The following ZCCHC2 variants were observed in gnomAD, a reference collection of about 807,000 sequenced individuals.
ZCCHC2 encodes the protein zinc finger CCHC domain-containing protein 2.
A neutral mutation model predicts 103.6 loss-of-function variants in ZCCHC2; 39 were observed. That is an observed-to-expected ratio of 0.38 (90% CI 0.29 to 0.49). ZCCHC2 has a LOEUF of 0.49. ZCCHC2 is among the 20% of genes least tolerant of loss of function. The pLI is 0.96. For missense variants in ZCCHC2, 1,483 were observed against 1,491.0 expected, an observed-to-expected ratio of 0.99 and a Z score of 0.09; for synonymous variants, 687 against 608.9, an observed-to-expected ratio of 1.13 and a Z score of -1.89.
At chr18:62,524,580 C>A in intron 1 of ZCCHC2, 1 of 629,834 alleles carries the variant, frequency 1.6e-6, no homozygotes, top group Non-Finnish European at 2.5e-6. Context: ...CAGACACAGC[C>A]ACCCGCCATC....
At chr18:62,526,966 C>T (rs886358591) in intron 1 of ZCCHC2, 12 of 140,792 alleles carry the variant, frequency 8.5e-5, no homozygotes, top group African/African-American at 3.1e-4. Context: ...CGTACTGGGC[C>T]GTGGCGATAA....
In ZCCHC2 at chr18:62,543,030, C is replaced by A. The variant is rs1465471972; in HGVS notation, c.1128+456C>A. 2.0e-5 allele frequency among the ~76,000 whole-genome samples: 3 copies of A among 152,192 alleles called. No individual in the cohort carries two copies. In the South Asian group the frequency reaches 6.2e-4, roughly 32 times the overall value. On this transcript the variant is annotated intron_variant, in intron 3 of 13. Transcript: ENST00000269499. ...CTGGGATTAGCTGTAGAGCCCAGCTCTGATTCTGTGCTCCCAGGTGAAGAC... is the reference window on the plus strand; with the variant it reads ...CTGGGATTAGCTGTAGAGCCCAGCTATGATTCTGTGCTCCCAGGTGAAGAC...
chr18:62,548,706 T>C (rs150800050), intron 4 of ZCCHC2, among the ~76,000 whole-genome samples: 7 of 150,388 alleles, frequency 4.7e-5, no homozygotes, highest in African/African-American at 1.7e-4. Flanking sequence ...GTGGATCATC[T>C]GAGGTCAGGA....
At chr18:62,532,595 G>C (rs1039794160) in intron 1 of ZCCHC2, among the ~76,000 whole-genome samples, 1 of 152,108 alleles carries the variant, frequency 6.6e-6, no homozygotes, top group African/African-American at 2.4e-5. Flanking sequence ...TCTAGGCTGG[G>C]TTCATGCCAT....
intron 1 of ZCCHC2, among the ~76,000 whole-genome samples, chr18:62,529,326 C>T (rs1377141251): frequency 6.6e-6 from 1 of 152,118 alleles, no homozygotes; most frequent in Non-Finnish European, 1.5e-5. Context: ...AGGCTTCCCT[C>T]CCGCCACTCT....
At chr18:62,544,738 CT>C in intron 3 of ZCCHC2, 63 bp from the exon 4 acceptor site, 5 of 1,409,682 alleles carry the variant, frequency 3.5e-6, no homozygotes, top group Non-Finnish European at 4.8e-6. Context: ...TTGCACATGG[CT>C]TTTTTCTAGC....
At chr18:62,562,954 A>G in intron 8 of ZCCHC2, 55 bp from the exon 9 acceptor site, 1 of 1,559,908 alleles carries the variant, frequency 6.4e-7, no homozygotes, top group Non-Finnish European at 8.8e-7. Flanking sequence ...GTTGAAATGA[A>G]ATAGGTTATT....
Position 62,524,324 on chromosome 18 carries a change from G to GGAGGTA in ZCCHC2, c.904_909dup (p.Val302_Glu303dup). ...GCGGGGGCCCCGAGGACGCGGAGGT[G>GGAGGTA]GAGGTAGAGCCGTGCAAGTTTGCCG... On this transcript the variant is annotated inframe_insertion, in exon 1 of 14. Transcript: ENST00000269499. 6.5e-7 allele frequency: 1 copy of GGAGGTA among 1,547,570 alleles called. No homozygotes were observed. Among genetic ancestry groups the GGAGGTA allele is most frequent in the Non-Finnish European group, 8.7e-7 (1 of 1,146,006 alleles).
chr18:62,547,195 G>A (rs1456392820), intron 4 of ZCCHC2, among the ~76,000 whole-genome samples: 9 of 151,876 alleles, frequency 5.9e-5, no homozygotes, highest in East Asian at 2.0e-4. Flanking sequence ...GCATGGTGGC[G>A]GGCGCCTGTA....
chr18:62,539,208 G>A (rs1299110225), intron 1 of ZCCHC2, among the ~76,000 whole-genome samples: 1 of 152,148 alleles, frequency 6.6e-6, no homozygotes, highest in Non-Finnish European at 1.5e-5. Flanking sequence ...CTCCCTGCCT[G>A]TACATATTCT....
intron 1 of ZCCHC2, among the ~76,000 whole-genome samples, chr18:62,533,706 T>TA (rs981815327): frequency 6.6e-5 from 10 of 151,110 alleles, no homozygotes; most frequent in African/African-American, 2.4e-4. Context: ...GTCTCTGATT[T>TA]AAAAAAAATA....
In ZCCHC2 at chr18:62,523,493, C is replaced by CGAGGCGGACGCGCGGCCGGGCGCG; in HGVS notation, c.70_93dup (p.Glu24_Ala31dup). 1 of 1,003,594 alleles carries CGAGGCGGACGCGCGGCCGGGCGCG rather than the reference C, an allele frequency of 1.0e-6. No individual in the cohort carries two copies. Among genetic ancestry groups the CGAGGCGGACGCGCGGCCGGGCGCG allele is most frequent in the Non-Finnish European group, 1.2e-6 (1 of 840,082 alleles). 62.2% of individuals were successfully genotyped at this position (1,003,594 alleles called of 1,614,324 possible). On this transcript the variant is annotated inframe_insertion, in exon 1 of 14. Coordinates refer to ENST00000269499, the MANE Select transcript of ZCCHC2 (RefSeq NM_017742.6). ...AGCCGCCGCCCGAGGCGGAGGAGCC[C>CGAGGCGGACGCGCGGCCGGGCGCG]GAGGCGGACGCGCGGCCGGGCGCGA...
At chr18:62,526,851 C>G (rs892880177) in intron 1 of ZCCHC2, 3 of 151,890 alleles carry the variant, frequency 2.0e-5, no homozygotes, top group Non-Finnish European at 4.4e-5. Context: ...GCGCGCCGGC[C>G]CCGCCCCCGG....
chr18:62,565,603 G>A (rs532740556), intron 11 of ZCCHC2, among the ~76,000 whole-genome samples: 2 of 151,238 alleles, frequency 1.3e-5, no homozygotes, highest in South Asian at 4.2e-4. Flanking sequence ...CTATTTTAAG[G>A]TCCCTTTATT....
In ZCCHC2 at chr18:62,574,197, G is replaced by T; in HGVS notation, c.2116G>T (p.Asp706Tyr). ...AAATGAGAATGGAAACCTTTTAGAA[G>T]ATCCCTTAAACTCACCCAAGTATCA... ...LGNENGNLLEDPLNSPKYQHI... is the reference protein window; with the variant it reads ...LGNENGNLLEYPLNSPKYQHI... The change falls in exon 13 of 14, where the codon GAT (aspartate) becomes TAT (tyrosine). Residue 706 changes from aspartate to tyrosine, a missense_variant. Physicochemically the swap from Asp to Tyr is radical, Grantham distance 160. Transcript: ENST00000269499. 6.2e-7 allele frequency: 1 copy of T among 1,614,008 alleles called. No individual in the cohort carries two copies. Among genetic ancestry groups the T allele is most frequent in the Non-Finnish European group, 8.5e-7 (1 of 1,179,880 alleles).
At position 62,523,614 on chromosome 18, in the gene ZCCHC2, C is replaced by G; in HGVS notation, c.190C>G (p.Pro64Ala). ...GGGCCCTCTGCCGCCGCCGCCGCCG[C>G]CCCGGGGACTCGGGCCGCCTGTTGC... is the stretch of plus-strand genomic sequence containing the variant. ...SRGPLPPPPP[P>A]RGLGPPVAGG... Residue 64 changes from proline (P) to alanine (A), a missense_variant, in exon 1 of 14, where the codon CCC (proline) becomes GCC (alanine). Physicochemically the swap from Pro to Ala is conservative, Grantham distance 27. This residue lies in a region of ZCCHC2 where 568 missense variants were observed against 525.1 expected (regional missense o/e 1.08). Transcript: ENST00000269499. The G allele has an allele frequency of 1.7e-6, 2 of 1,174,664 alleles. No homozygotes were observed. Among genetic ancestry groups the G allele is most frequent in the African/African-American group, 1.6e-5 (1 of 61,850 alleles). 72.8% of individuals were successfully genotyped at this position (1,174,664 alleles called of 1,614,324 possible).
At chr18:62,547,052 C>T (rs184248894) in intron 4 of ZCCHC2, among the ~76,000 whole-genome samples, 3 of 152,152 alleles carry the variant, frequency 2.0e-5, no homozygotes, top group Non-Finnish European at 2.9e-5. Flanking sequence ...CTGCCAGGTT[C>T]GGTGGCTCAT....
intron 11 of ZCCHC2, among the ~76,000 whole-genome samples, chr18:62,568,634 T>C (rs1398227909): frequency 1.3e-5 from 2 of 152,216 alleles, no homozygotes; most frequent in East Asian, 3.8e-4. Flanking sequence ...TTCTGAAATT[T>C]GCTCTTTGAA....
Position 62,523,988 on chromosome 18 carries a change from TG to T in ZCCHC2, c.566del (p.Gly189AlafsTer92). The T allele has an allele frequency of 6.7e-7, 1 of 1,492,414 alleles. No homozygotes were observed. Among genetic ancestry groups the T allele is most frequent in the Non-Finnish European group, 8.9e-7 (1 of 1,126,106 alleles). 92.4% of individuals were successfully genotyped at this position (1,492,414 alleles called of 1,614,324 possible). On this transcript the variant is annotated frameshift_variant, in exon 1 of 14. Coordinates refer to ENST00000269499, the MANE Select transcript of ZCCHC2 (RefSeq NM_017742.6). LOFTEE classifies it high-confidence loss of function. ...TGGGCTCGGAGAACCGGGAGGCCGC[TG>T]GCCGTCTGCACCGCCTGCTACCCCA... ...LLGSENREAA[G>X]RLHRLLPQVD...
Sources: gnomAD v4.1 joint callset for allele counts (sites outside exome capture counted in the v4.1 genomes callset) on GRCh38, gnomAD v4.1.1 for gene constraint, gnomAD v4.1.1 regional missense constraint, MANE v1.5 for transcripts, NCBI Gene and HGNC (gene_info 2026-07-23, HGNC 2026-07-21) for gene names.